Variants in PDE2A observed in about 807,000 individuals in gnomAD.
PDE2A encodes the protein cGMP-dependent 3',5'-cyclic phosphodiesterase.
In PDE2A, 53 loss-of-function variants were observed where a neutral mutation model predicts 133.6. That is an observed-to-expected ratio of 0.40 (90% CI 0.32 to 0.50). PDE2A has a LOEUF of 0.50. Ranked by LOEUF, PDE2A falls within the 20% of genes least tolerant of loss-of-function variation. The pLI is 0.73. For missense variants in PDE2A, 796 were observed against 1,232.4 expected (o/e 0.65, Z 5.30); for synonymous variants, 491 against 490.2 (o/e 1.00, Z -0.02).
At position 72,665,798 on chromosome 11, in the gene PDE2A, A is replaced by G. The variant is rs1286634179; in HGVS notation, c.71+8339T>C. Among the ~76,000 whole-genome samples the G allele has an allele frequency of 5.3e-5, 8 of 152,184 alleles. No individual in the cohort carries two copies. In the South Asian group the frequency reaches 1.7e-3, roughly 32 times the overall value. ...CCTGCCACCCTCACTTTGAGCCCAG[A>G]TAGGCCTCCAGGACTGCCCCAAACC... On this transcript the variant is annotated intron_variant, in intron 1 of 30. Coordinates refer to ENST00000334456, the MANE Select transcript of PDE2A (RefSeq NM_002599.5).
chr11:72,645,116 C>A lies in PDE2A; in HGVS notation c.72-2790G>T, dbSNP rs1324087902. On this transcript the variant is annotated intron_variant, in intron 1 of 30. Transcript: ENST00000334456. ...AACTACAGCTCAATGACTGGGGTCC[C>A]TGGTGTGTGCTCTATGTGTCCCTCA... Among the ~76,000 whole-genome samples the A allele has an allele frequency of 2.0e-5, 3 of 152,214 alleles. No homozygotes were observed. The East Asian group carries it at 5.8e-4, about 29-fold the overall frequency.
At chr11:72,584,776 C>T (rs779192875) in intron 17 of PDE2A, 48 bp from the exon 18 acceptor site, 2 of 1,611,064 alleles carry the variant, frequency 1.2e-6, no homozygotes, top group Non-Finnish European at 1.7e-6. Context: ...GTGACCCGGC[C>T]ACAGAGGGGA....
intron 1 of PDE2A, among the ~76,000 whole-genome samples, chr11:72,670,241 CATTAACACAGGTAG>C (rs1855354357): frequency 6.6e-6 from 1 of 152,164 alleles, no homozygotes; most frequent in Admixed American, 6.5e-5. Context: ...CTTCCTGCGA[CATTAACACAGGTAG>C]GAAAGACTCG....
chr11:72,663,148 G>T (rs574053563), intron 1 of PDE2A, among the ~76,000 whole-genome samples: 1 of 152,166 alleles, frequency 6.6e-6, no homozygotes, highest in African/African-American at 2.4e-5. Context: ...GCGTCTGGGT[G>T]TGCCTGTCTC....
At chr11:72,635,650 G>A (rs1858644083) in intron 2 of PDE2A, among the ~76,000 whole-genome samples, 1 of 152,314 alleles carries the variant, frequency 6.6e-6, no homozygotes, top group African/African-American at 2.4e-5. Flanking sequence ...TAGAGCTAGA[G>A]CTCATATATC....
At chr11:72,641,816 TTTGGGGC>T (rs1302620263) in intron 2 of PDE2A, among the ~76,000 whole-genome samples, 1 of 152,032 alleles carries the variant, frequency 6.6e-6, no homozygotes, top group Non-Finnish European at 1.5e-5. Context: ...GGAATGGAGG[TTTGGGGC>T]TTTGGGTGAG....
chr11:72,636,015 C>T, intron 2 of PDE2A: 2 of 1,262,546 alleles, frequency 1.6e-6, no homozygotes, highest in African/African-American at 3.0e-5. Flanking sequence ...CTTCCTGTCT[C>T]CCAGTGGCAG....
chr11:72,589,906 C>T lies in PDE2A; in HGVS notation c.831+1G>A. On this transcript the variant is annotated splice_donor_variant, in intron 10 of 30. Coordinates refer to ENST00000334456, the MANE Select transcript of PDE2A (RefSeq NM_002599.5). LOFTEE classifies it high-confidence loss of function. ...GCTCTACAGTGGACCTGGGCCCTCA[C>T]CTTGCAAGAAAGCTGGAGATTGTCC... 6.2e-7 allele frequency: 1 copy of T among 1,613,072 alleles called. No homozygotes were observed. Among genetic ancestry groups the T allele is most frequent in the Non-Finnish European group, 8.5e-7 (1 of 1,179,612 alleles).
intron 7 of PDE2A, 62 bp downstream of exon 7, chr11:72,591,235 T>C: frequency 7.1e-7 from 1 of 1,403,702 alleles, no homozygotes; most frequent in Non-Finnish European, 1.0e-6. Context: ...GGCCAGGCCA[T>C]CTTCCCACCA....
intron 2 of PDE2A, among the ~76,000 whole-genome samples, chr11:72,623,997 C>CT (rs71062781): frequency 0.49 from 69,405 of 141,398 alleles, 17,198 homozygotes; most frequent in Middle Eastern, 0.56. Context: ...CAATCTTTTT[C>CT]TTTTTTTTTT....
At chr11:72,582,181 G>A (rs963980503) in intron 21 of PDE2A, 8 of 608,698 alleles carry the variant, frequency 1.3e-5, no homozygotes, top group Middle Eastern at 4.4e-4. Flanking sequence ...AACAGGGTTG[G>A]GAGGGATGCA....
chr11:72,582,012 CCTT>C (rs1399996686), intron 21 of PDE2A, 65 bp from the exon 22 acceptor site: 1 of 1,273,504 alleles, frequency 7.9e-7, no homozygotes, highest in Non-Finnish European at 1.1e-6. Context: ...TTGCCTGGGT[CCTT>C]CTTCAAGCTC....
chr11:72,596,013 C>T (rs944586625), intron 6 of PDE2A, among the ~76,000 whole-genome samples: 4 of 152,282 alleles, frequency 2.6e-5, no homozygotes, highest in South Asian at 2.1e-4. Flanking sequence ...GCCTGTCTTC[C>T]GCCCAGCCTC....
intron 2 of PDE2A, among the ~76,000 whole-genome samples, chr11:72,633,774 G>A (rs533865542): frequency 4.9e-4 from 75 of 152,274 alleles, no homozygotes; most frequent in African/African-American, 1.7e-3. Context: ...GAAGAGGAAG[G>A]GAGGGCAGCT....
At chr11:72,614,817 C>T (rs1271018861) in intron 2 of PDE2A, among the ~76,000 whole-genome samples, 3 of 152,054 alleles carry the variant, frequency 2.0e-5, no homozygotes, top group African/African-American at 7.2e-5. Flanking sequence ...GGGAAGGTCC[C>T]AATGGAGGGG....
chr11:72,627,513 C>A (rs1027603548), intron 2 of PDE2A, among the ~76,000 whole-genome samples: 1 of 152,166 alleles, frequency 6.6e-6, no homozygotes, highest in Admixed American at 6.5e-5. Flanking sequence ...TGAGCAAAGG[C>A]AGGGAGGCAG....
In PDE2A at chr11:72,577,236, G is replaced by C; in HGVS notation, c.*148C>G. ...CTTCCATTATACAGACGAGAAAGCT[G>C]AGGCCCAGGAAGGTAGTACTTGTCC... On this transcript the variant is annotated 3_prime_UTR_variant, in exon 31 of 31. Transcript: ENST00000334456. The C allele has an allele frequency of 1.6e-6, 1 of 612,428 alleles. No individual in the cohort carries two copies. The highest frequency in any genetic ancestry group is 2.9e-6 in the Non-Finnish European group (1 of 347,490). The allele number at this position is 612,428 out of a possible 1,614,324, so 37.9% of individuals were successfully genotyped here. A position where few individuals can be genotyped will look rare whatever the true frequency, so the allele number is the denominator to read the frequency against.
At position 72,578,400 on chromosome 11, in the gene PDE2A, G is replaced by A; in HGVS notation, c.2509-61C>T. The A allele has an allele frequency of 2.5e-6, 4 of 1,571,694 alleles. No individual in the cohort carries two copies. The highest frequency in any genetic ancestry group is 3.5e-6 in the Non-Finnish European group (4 of 1,141,486). Reference sequence around the variant, plus strand: ...TTCCTCCATCGGGTACCAGGGTCAGGCTAGTTCAAGCCCTCCCTGTCCCAG... The same window carrying A: ...TTCCTCCATCGGGTACCAGGGTCAGACTAGTTCAAGCCCTCCCTGTCCCAG... On this transcript the variant is annotated intron_variant, in intron 29 of 30. Transcript: ENST00000334456. This position sits in a 1 kb window ranked among gnomAD's most constrained non-coding sequence, Gnocchi z 4.2.
chr11:72,631,202 G>T, intron 2 of PDE2A: 1 of 1,351,066 alleles, frequency 7.4e-7, no homozygotes. Context: ...TCCCCAGACT[G>T]TCCTCCCATT....
Sources: allele counts gnomAD v4.1 joint callset (sites outside exome capture counted in the v4.1 genomes callset), GRCh38; gene constraint gnomAD v4.1.1; non-coding constraint Gnocchi (gnomAD v3.1); transcripts MANE v1.5; gene names NCBI Gene and HGNC (gene_info 2026-07-23, HGNC 2026-07-21).